ARHGEF10L: variants seen among roughly 807,000 people sequenced by gnomAD.
ARHGEF10L encodes the protein rho guanine nucleotide exchange factor 10-like protein.
Under a neutral mutation model 141.2 loss-of-function variants are expected in ARHGEF10L, and 69 were observed. That is an observed-to-expected ratio of 0.49 (90% confidence interval 0.40 to 0.60). The LOEUF (loss-of-function observed/expected upper bound fraction) is 0.60, where lower values mean the gene tolerates loss of function less well. ARHGEF10L is among the 20% of genes least tolerant of loss of function. ARHGEF10L has a pLI of 0.00. For synonymous variants in ARHGEF10L, 711 were observed against 718.5 expected (o/e 0.99, Z 0.17); for missense variants, 1,482 against 1,734.3 (o/e 0.85, Z 2.58).
the ARHGEF10L span, among the ~76,000 whole-genome samples, chr1:17,524,299 C>T: frequency 1.7e-4 from 25 of 145,660 alleles, no homozygotes; most frequent in African/African-American, 5.5e-4. Context: ...AGCGAGACTC[C>T]GTCTCAAGAA....
Position 17,613,114 on chromosome 1 carries a change from C to A in ARHGEF10L, c.666C>A (p.Ile222=). The change falls in exon 8 of 29, where the codon ATC becomes ATA. Residue 222 remains isoleucine (I), a synonymous_variant. Coordinates refer to ENST00000361221, the MANE Select transcript of ARHGEF10L (RefSeq NM_018125.4). ...KERYARTKRD[I]LALRVGGRDM... is the part of the protein sequence containing the mutation. ...GATACGCCAGGACTAAGAGAGACAT[C>A]TTGGCTTTGAGAGTTGGGGGGAGAG... The A allele has an allele frequency of 6.2e-7, 1 of 1,614,102 alleles. No individual in the cohort carries two copies. The highest frequency in any genetic ancestry group is 8.5e-7 in the Non-Finnish European group (1 of 1,179,978).
chr1:17,587,567 G>GC lies in ARHGEF10L; in HGVS notation c.148dup (p.Leu50ProfsTer9). The GC allele has an allele frequency of 6.2e-7, 1 of 1,614,178 alleles. No individual in the cohort carries two copies. The highest frequency in any genetic ancestry group is 8.5e-7 in the Non-Finnish European group (1 of 1,180,028). Reference sequence around the variant, plus strand: ...TGATGATGAAGAGGACACCAGCGCAGCCCTGGGCGTCCCCAGCCTTGCTCC... The same window carrying GC: ...TGATGATGAAGAGGACACCAGCGCAGCCCCTGGGCGTCCCCAGCCTTGCTCC... On this transcript the variant is annotated frameshift_variant, in exon 3 of 29. Coordinates refer to ENST00000361221, the MANE Select transcript of ARHGEF10L (RefSeq NM_018125.4). LOFTEE classifies it high-confidence loss of function.
intron 4 of ARHGEF10L, among the ~76,000 whole-genome samples, chr1:17,590,698 C>A (rs1057208276): frequency 5.9e-5 from 9 of 152,206 alleles, no homozygotes; most frequent in African/African-American, 2.2e-4. Flanking sequence ...AAGCAAACAG[C>A]ATGTCAGACC....
chr1:17,664,874 T>C (rs563837998), intron 26 of ARHGEF10L, among the ~76,000 whole-genome samples: 4 of 152,328 alleles, frequency 2.6e-5, no homozygotes, highest in South Asian at 2.1e-4. Flanking sequence ...GGAAGTGGGA[T>C]TGGGGTCCCT....
chr1:17,523,451 CT>C, the ARHGEF10L span, among the ~76,000 whole-genome samples: 64 of 152,312 alleles, frequency 4.2e-4, no homozygotes, highest in African/African-American at 1.4e-3. Flanking sequence ...GCCAGGCATC[CT>C]GCTGGCCATG....
At chr1:17,571,655 T>C (rs1040917579) in intron 1 of ARHGEF10L, among the ~76,000 whole-genome samples, 2 of 152,136 alleles carry the variant, frequency 1.3e-5, no homozygotes, top group African/African-American at 4.8e-5. Context: ...TGCCTCAGCC[T>C]CCCGAGTAAC....
chr1:17,574,318 C>T (rs1450140676), intron 1 of ARHGEF10L, among the ~76,000 whole-genome samples: 1 of 152,176 alleles, frequency 6.6e-6, no homozygotes, highest in East Asian at 1.9e-4. Flanking sequence ...CCGGTGCAGA[C>T]AGTGCTCGGA....
In ARHGEF10L at chr1:17,619,218, A is replaced by G. The variant is rs2059974150; in HGVS notation, c.836-121A>G. The G allele has an allele frequency of 2.2e-6, 2 of 916,876 alleles. No individual in the cohort carries two copies. Among genetic ancestry groups the G allele is most frequent in the Admixed American group, 2.7e-5 (1 of 37,544 alleles). The allele number at this position is 916,876 out of a possible 1,614,324, so 56.8% of individuals were successfully genotyped here. On this transcript the variant is annotated intron_variant, in intron 9 of 28. Coordinates refer to ENST00000361221, the MANE Select transcript of ARHGEF10L (RefSeq NM_018125.4). This position sits in a 1 kb window ranked among gnomAD's most constrained non-coding sequence, Gnocchi z 5.0. ...GGCTCTAACCCCACGGGGCCCCAGGAGCTGCTTGCACCCTAGGACCTGGGT... is the reference window on the plus strand; with the variant it reads ...GGCTCTAACCCCACGGGGCCCCAGGGGCTGCTTGCACCCTAGGACCTGGGT...
chr1:17,674,440 C>T (rs1287930937), intron 26 of ARHGEF10L, among the ~76,000 whole-genome samples: 2 of 152,206 alleles, frequency 1.3e-5, no homozygotes, highest in Admixed American at 6.5e-5. Flanking sequence ...GGAGTCTCAC[C>T]CACAGGAGAG....
chr1:17,565,228 C>T (rs1295484067), intron 1 of ARHGEF10L, among the ~76,000 whole-genome samples: 2 of 152,194 alleles, frequency 1.3e-5, no homozygotes, highest in African/African-American at 4.8e-5. Flanking sequence ...ACCCTCATGA[C>T]CTGATTACCT....
At chr1:17,529,588 T>G in the ARHGEF10L span, among the ~76,000 whole-genome samples, 1 of 152,188 alleles carries the variant, frequency 6.6e-6, no homozygotes, top group African/African-American at 2.4e-5. Flanking sequence ...TAGGAGCTGG[T>G]TGAGAAGCAT....
intron 21 of ARHGEF10L, among the ~76,000 whole-genome samples, chr1:17,647,593 G>A (rs1298859001): frequency 1.3e-5 from 2 of 152,194 alleles, no homozygotes; most frequent in African/African-American, 4.8e-5. Flanking sequence ...GCCTTGCAGT[G>A]TGCTGGGTGT....
intron 21 of ARHGEF10L, among the ~76,000 whole-genome samples, chr1:17,643,304 G>A (rs1301675300): frequency 6.6e-6 from 1 of 152,114 alleles, no homozygotes. Flanking sequence ...TGAAGATTGA[G>A]AAAGGAGAGG....
intron 2 of ARHGEF10L, among the ~76,000 whole-genome samples, chr1:17,581,495 C>A (rs1168763507): frequency 1.3e-5 from 2 of 152,138 alleles, no homozygotes; most frequent in Non-Finnish European, 2.9e-5. Flanking sequence ...GGGCCCAGGG[C>A]TGTTTCACCC....
At chr1:17,691,539 C>T (rs1342971941) in intron 27 of ARHGEF10L, among the ~76,000 whole-genome samples, 3 of 152,080 alleles carry the variant, frequency 2.0e-5, no homozygotes, top group Non-Finnish European at 2.9e-5. Context: ...ACTGTCCCCT[C>T]TCTTGGCTTA....
chr1:17,689,929 CTT>C (rs777941641), intron 27 of ARHGEF10L: 209 of 439,108 alleles, frequency 4.8e-4, no homozygotes, highest in African/African-American at 3.9e-3. Context: ...ACAACCCTGA[CTT>C]TACTGTGTTT....
intron 21 of ARHGEF10L, among the ~76,000 whole-genome samples, chr1:17,647,987 C>A (rs1010940500): frequency 6.6e-6 from 1 of 152,024 alleles, no homozygotes; most frequent in African/African-American, 2.4e-5. Context: ...TGGAGGCAGG[C>A]GGCTTCCTAA....
intron 12 of ARHGEF10L, 100 bp from the exon 13 acceptor site, chr1:17,624,287 C>A: frequency 1.1e-6 from 1 of 885,326 alleles, no homozygotes; most frequent in Non-Finnish European, 1.9e-6. Context: ...CGCCCTTCTG[C>A]TCCCTGCCTT....
chr1:17,553,862 G>A (rs368305011), intron 1 of ARHGEF10L, among the ~76,000 whole-genome samples: 2 of 152,158 alleles, frequency 1.3e-5, no homozygotes, highest in East Asian at 1.9e-4. Context: ...TGGGTGCCAG[G>A]CACTGTGCTG....
Sources: allele counts gnomAD v4.1 joint callset (sites outside exome capture counted in the v4.1 genomes callset), GRCh38; gene constraint gnomAD v4.1.1; non-coding constraint Gnocchi (gnomAD v3.1); transcripts MANE v1.5; gene names NCBI Gene and HGNC (gene_info 2026-07-23, HGNC 2026-07-21).